Variants in THADA observed in about 807,000 individuals in gnomAD.
THADA encodes tRNA (32-2'-O)-methyltransferase regulator THADA.
THADA carries 213 observed loss-of-function variants against 219.8 expected under a neutral mutation model. The ratio of observed to expected loss-of-function variants is 0.97; its 90% CI spans 0.87 to 1.09. THADA has a LOEUF of 1.09. Among genes scored for constraint, THADA ranks in the 50% least tolerant of loss-of-function variants. The pLI is 0.00. For missense variants in THADA, 2,956 were observed against 2,311.3 expected (o/e 1.28, Z -5.72); for synonymous variants, 1,018 against 828.9 (o/e 1.23, Z -3.92).
intron 29 of THADA, among the ~76,000 whole-genome samples, chr2:43,388,336 T>G (rs1573406450): frequency 6.6e-6 from 1 of 152,314 alleles, no homozygotes; most frequent in Non-Finnish European, 1.5e-5. Flanking sequence ...TTAAAGTATA[T>G]TCAGAATTAT....
chr2:43,236,116 C>T (rs558579928), intron 36 of THADA, among the ~76,000 whole-genome samples: 3 of 152,282 alleles, frequency 2.0e-5, no homozygotes, highest in Admixed American at 6.5e-5. Context: ...GCCCATCTTG[C>T]ACCATTTTGC....
chr2:43,300,033 CAA>C (rs538753350), intron 31 of THADA, among the ~76,000 whole-genome samples: 18,525 of 83,600 alleles, frequency 0.22, 1,111 homozygotes, highest in African/African-American at 0.29. Flanking sequence ...TGTCTCAAGG[CAA>C]AAAAAAAAAA....
intron 29 of THADA, among the ~76,000 whole-genome samples, chr2:43,386,923 A>G (rs1239109259): frequency 6.7e-6 from 1 of 150,344 alleles, no homozygotes; most frequent in East Asian, 1.9e-4. Flanking sequence ...AAGCATAATT[A>G]CTATCTCCGT....
At chr2:43,295,743 T>A (rs994448629) in intron 31 of THADA, among the ~76,000 whole-genome samples, 4 of 152,146 alleles carry the variant, frequency 2.6e-5, no homozygotes, top group Non-Finnish European at 4.4e-5. Context: ...TTATTTGAAA[T>A]TGAAAATTTG....
intron 29 of THADA, among the ~76,000 whole-genome samples, chr2:43,359,814 GCATCTCCCTGTGTTGCCCAGGCTGGACT>G (rs1223740583): frequency 6.6e-6 from 1 of 151,124 alleles, no homozygotes; most frequent in Non-Finnish European, 1.5e-5. Context: ...TTAAGAGATG[GCATCTCCCTGTGTTGCCCAGGCTGGACT>G]CAAACTCCTA....
chr2:43,386,036 T>C (rs1160596924), intron 29 of THADA, among the ~76,000 whole-genome samples: 4 of 152,098 alleles, frequency 2.6e-5, no homozygotes, highest in Non-Finnish European at 5.9e-5. Context: ...CTATTCCATA[T>C]GAACATGGGC....
chr2:43,506,635 T>C (rs1689702625), intron 23 of THADA, among the ~76,000 whole-genome samples: 6 of 152,150 alleles, frequency 3.9e-5, no homozygotes. Context: ...TGGGTTGATG[T>C]TCTAAAACTA....
chr2:43,268,246 A>G (rs1466124031), intron 36 of THADA, among the ~76,000 whole-genome samples: 2 of 152,218 alleles, frequency 1.3e-5, no homozygotes, highest in Non-Finnish European at 1.5e-5. Flanking sequence ...ATCAGTGAAC[A>G]GGTCAGAGCA....
intron 26 of THADA, among the ~76,000 whole-genome samples, chr2:43,469,258 T>A (rs948396720): frequency 2.6e-5 from 4 of 152,166 alleles, no homozygotes; most frequent in African/African-American, 9.7e-5. Context: ...GAGATTGGCT[T>A]GATTAGAGTG....
At chr2:43,487,033 G>GA (rs1686996374) in intron 25 of THADA, among the ~76,000 whole-genome samples, 1 of 152,068 alleles carries the variant, frequency 6.6e-6, no homozygotes. Context: ...CCCTAAAACT[G>GA]AACAGATTCA....
At chr2:43,551,667 A>C in intron 19 of THADA, 122 bp downstream of exon 19, 1 of 874,136 alleles carries the variant, frequency 1.1e-6, no homozygotes, top group Non-Finnish European at 1.6e-6. Context: ...AATAATAATA[A>C]TTATTTTCTC....
Position 43,586,937 on chromosome 2 carries a change from T to C in THADA, c.368A>G (p.Gln123Arg), listed in dbSNP as rs1158134615. The C allele has an allele frequency of 3.1e-6, 5 of 1,613,676 alleles. No individual in the cohort carries two copies. In the African/African-American group the frequency reaches 4.0e-5, roughly 13 times the overall value. The change falls in exon 5 of 38, where the codon CAG becomes CGG. Residue 123 changes from glutamine to arginine, a missense_variant. Gln to Arg is a conservative substitution (Grantham distance 43, BLOSUM62 1). Transcript: ENST00000405975. ...EAMHRFTSRLQEELNTTDLYS... is the reference protein window; with the variant it reads ...EAMHRFTSRLREELNTTDLYS... ...TAAGTCAGTAGTATTCAATTCTTCC[T>C]GAAGACGAGAAGTAAAACGGTGCAT... is the stretch of plus-strand genomic sequence containing the variant.
intron 36 of THADA, among the ~76,000 whole-genome samples, chr2:43,245,567 C>A (rs999734823): frequency 6.6e-6 from 1 of 152,208 alleles, no homozygotes; most frequent in African/African-American, 2.4e-5. Flanking sequence ...CACTGGCCCT[C>A]ATTGTCACCT....
chr2:43,485,622 T>C (rs940553019), intron 25 of THADA, among the ~76,000 whole-genome samples: 5 of 152,162 alleles, frequency 3.3e-5, no homozygotes, highest in African/African-American at 1.2e-4. Flanking sequence ...AATAACACTT[T>C]TCTAAAAATT....
chr2:43,528,794 T>G (rs184883507), intron 21 of THADA, among the ~76,000 whole-genome samples: 1 of 152,314 alleles, frequency 6.6e-6, no homozygotes, highest in Admixed American at 6.5e-5. Context: ...TTTTAAAATT[T>G]TTTTTCTTTT....
chr2:43,548,316 G>T (rs1696316013), intron 20 of THADA, among the ~76,000 whole-genome samples: 1 of 152,228 alleles, frequency 6.6e-6, no homozygotes, highest in Admixed American at 6.5e-5. Flanking sequence ...GGGTTCAGGG[G>T]TCAGGGACCC....
At chr2:43,502,584 C>CAA (rs1172070049) in intron 24 of THADA, among the ~76,000 whole-genome samples, 91 of 74,056 alleles carry the variant, frequency 1.2e-3, no homozygotes, top group African/African-American at 2.7e-3. Context: ...GACCTCGTCT[C>CAA]AAAAAAAAAA....
intron 30 of THADA, among the ~76,000 whole-genome samples, chr2:43,326,812 C>A (rs551137406): frequency 3.1e-3 from 465 of 152,254 alleles, no homozygotes; most frequent in Middle Eastern, 6.8e-3. Context: ...GGTGGGCTTC[C>A]TGGAAGAGAG....
chr2:43,447,389 T>C (rs1363612187), intron 26 of THADA, among the ~76,000 whole-genome samples: 1 of 152,166 alleles, frequency 6.6e-6, no homozygotes, highest in Non-Finnish European at 1.5e-5. Context: ...GCCTCCTTTG[T>C]ATAGGCAATT....
Sources: allele counts gnomAD v4.1 joint callset (sites outside exome capture counted in the v4.1 genomes callset), GRCh38; gene constraint gnomAD v4.1.1; transcripts MANE v1.5; gene names NCBI Gene and HGNC (gene_info 2026-07-23, HGNC 2026-07-21).